SAMMSON: variants seen among roughly 807,000 people sequenced by gnomAD.
The protein encoded by SAMMSON is long intergenic non-protein coding RNA 1212.
Position 70,048,211 on chromosome 3 carries a change from A to G in SAMMSON, n.418-23265A>G, listed in dbSNP as rs549182299. 4.6e-5 allele frequency among the ~76,000 whole-genome samples: 7 copies of G among 152,168 alleles called. No homozygotes were observed. The South Asian group carries it at 1.5e-3, about 32-fold the overall frequency. On this transcript the variant is annotated intron_variant and non_coding_transcript_variant, in intron 3 of 9. Transcript: ENST00000642114. The stretch of plus-strand genomic sequence containing the variant: ...CAGAACAGATGTGCTCTCTTGCCTC[A>G]TGATGCTTTCAATCTAGTGGAAAGG...
intron 4 of SAMMSON, among the ~76,000 whole-genome samples, chr3:70,134,469 G>T (rs951781908): frequency 5.3e-5 from 8 of 151,456 alleles, no homozygotes; most frequent in Non-Finnish European, 1.0e-4. Flanking sequence ...CAGTTGCAAT[G>T]ATACAATATT....
At chr3:70,374,369 A>G (rs959712329) in intron 9 of SAMMSON, among the ~76,000 whole-genome samples, 3 of 152,206 alleles carry the variant, frequency 2.0e-5, no homozygotes, top group African/African-American at 2.4e-5. Context: ...TTGAAATACT[A>G]TAAACGATGA....
chr3:70,109,938 T>G (rs1176406398), intron 4 of SAMMSON, among the ~76,000 whole-genome samples: 4 of 152,240 alleles, frequency 2.6e-5, no homozygotes, highest in African/African-American at 9.6e-5. Flanking sequence ...ACTTTGCAAT[T>G]TATTTGGGAT....
At chr3:70,171,013 T>G (rs908721937) in intron 4 of SAMMSON, among the ~76,000 whole-genome samples, 2 of 151,834 alleles carry the variant, frequency 1.3e-5, no homozygotes, top group African/African-American at 2.4e-5. Flanking sequence ...TAGAAACATA[T>G]GGACTCAAGT....
At chr3:70,022,399 T>C (rs796435695) in intron 3 of SAMMSON, among the ~76,000 whole-genome samples, 5 of 126,526 alleles carry the variant, frequency 4.0e-5, no homozygotes, top group African/African-American at 1.3e-4. Context: ...ATTGTGCACA[T>C]GTACCCTAAA....
At chr3:70,431,258 TA>T (rs1206943497) in intron 2 of SAMMSON, among the ~76,000 whole-genome samples, 1 of 152,108 alleles carries the variant, frequency 6.6e-6, no homozygotes, top group African/African-American at 2.4e-5. Flanking sequence ...TTTACATTTT[TA>T]AGATAATAAT....
At chr3:70,136,473 A>C (rs2067506314) in intron 4 of SAMMSON, among the ~76,000 whole-genome samples, 1 of 152,234 alleles carries the variant, frequency 6.6e-6, no homozygotes, top group African/African-American at 2.4e-5. Context: ...CTCTGGCCCC[A>C]GTCAAGCCTT....
At chr3:70,313,222 G>A (rs1702470329) in intron 7 of SAMMSON, among the ~76,000 whole-genome samples, 1 of 152,148 alleles carries the variant, frequency 6.6e-6, no homozygotes, top group Non-Finnish European at 1.5e-5. Flanking sequence ...CCAGCACTTT[G>A]AGGAGGCTGA....
intron 4 of SAMMSON, among the ~76,000 whole-genome samples, chr3:70,091,055 C>T (rs923284453): frequency 6.6e-6 from 1 of 152,154 alleles, no homozygotes; most frequent in Admixed American, 6.5e-5. Flanking sequence ...TTAATCTCAG[C>T]TCATCCATCC....
intron 4 of SAMMSON, among the ~76,000 whole-genome samples, chr3:70,194,472 C>G (rs1164636760): frequency 2.0e-5 from 3 of 152,106 alleles, no homozygotes; most frequent in Non-Finnish European, 4.4e-5. Flanking sequence ...ATTGAAAAAG[C>G]CATTCATGTT....
intron 3 of SAMMSON, among the ~76,000 whole-genome samples, chr3:70,046,999 C>T (rs962414275): frequency 1.3e-5 from 2 of 152,126 alleles, no homozygotes; most frequent in African/African-American, 4.8e-5. Flanking sequence ...AGCTCAACAT[C>T]CTTCACCTTT....
intron 7 of SAMMSON, among the ~76,000 whole-genome samples, chr3:70,348,497 C>T (rs1702769097): frequency 1.3e-5 from 2 of 152,020 alleles, no homozygotes; most frequent in Non-Finnish European, 2.9e-5. Context: ...AGAGAGAGAG[C>T]TCTAGACCCT....
At chr3:70,072,646 G>GAAAAAAAAAAAAAAAAAAAA (rs35807309) in intron 4 of SAMMSON, 20 of 87,674 alleles carry the variant, frequency 2.3e-4, no homozygotes, top group East Asian at 6.4e-4. Flanking sequence ...AACAGCAAAG[G>GAAAAAAAAAAAAAAAAAAAA]AAAAAAAAAA....
chr3:70,227,837 A>G (rs745436665), intron 4 of SAMMSON, among the ~76,000 whole-genome samples: 1 of 152,168 alleles, frequency 6.6e-6, no homozygotes, highest in Non-Finnish European at 1.5e-5. Flanking sequence ...ATAAATGCAG[A>G]TAGTAGTAAG....
chr3:70,015,498 T>A (rs1217886253), intron 3 of SAMMSON, among the ~76,000 whole-genome samples: 1 of 152,142 alleles, frequency 6.6e-6, no homozygotes, highest in African/African-American at 2.4e-5. Flanking sequence ...CATTACTTAG[T>A]ATCTGCAATG....
At position 70,346,668 on chromosome 3, in the gene SAMMSON, G is replaced by C. The variant is rs529958877; in HGVS notation, n.740-7507G>C. ...AAGATGTTCTAACTCTTTCTGAGTT[G>C]GTCTAGGTTCTTCCAAATCCTCATC... On this transcript the variant is annotated intron_variant and non_coding_transcript_variant, in intron 7 of 9. Transcript: ENST00000642114. Among the ~76,000 whole-genome samples the C allele has an allele frequency of 1.1e-4, 17 of 152,098 alleles. No homozygotes were observed. In the East Asian group the frequency reaches 2.9e-3, roughly 26 times the overall value.
At chr3:70,077,114 T>G (rs989756108) in intron 4 of SAMMSON, among the ~76,000 whole-genome samples, 1 of 152,158 alleles carries the variant, frequency 6.6e-6, no homozygotes, top group African/African-American at 2.4e-5. Context: ...CAGTTAAAAT[T>G]AGCCACTGTT....
chr3:70,078,657 AC>A (rs1487752212), intron 4 of SAMMSON, among the ~76,000 whole-genome samples: 2 of 152,014 alleles, frequency 1.3e-5, no homozygotes, highest in Admixed American at 1.3e-4. Context: ...CAAGTCCTTT[AC>A]TTTTAAGCAA....
At chr3:70,084,301 T>G (rs956557337) in intron 4 of SAMMSON, among the ~76,000 whole-genome samples, 1 of 152,092 alleles carries the variant, frequency 6.6e-6, no homozygotes, top group Non-Finnish European at 1.5e-5. Flanking sequence ...CATGTAAGGG[T>G]AAAGTGGCGA....
Sources: allele counts gnomAD v4.1 joint callset (sites outside exome capture counted in the v4.1 genomes callset), GRCh38; gene constraint gnomAD v4.1.1; transcripts MANE v1.5; gene names NCBI Gene and HGNC (gene_info 2026-07-23, HGNC 2026-07-21).